Variants in CLSTN2 observed in about 807,000 individuals in gnomAD.
The protein encoded by CLSTN2 is calsyntenin 2, also known as calsyntenin-2.
In CLSTN2, 48 loss-of-function variants were observed where a neutral mutation model predicts 101.2. The observed-to-expected ratio is 0.47, with a 90% CI of 0.38 to 0.60. The LOEUF (loss-of-function observed/expected upper bound fraction) is 0.60. Ranked by LOEUF, CLSTN2 falls within the 20% of genes least tolerant of loss-of-function variation. CLSTN2 has a pLI of 0.00. For synonymous variants in CLSTN2, 481 were observed against 463.6 expected, an observed-to-expected ratio of 1.04 and a Z score of -0.48; for missense variants, 1,160 against 1,238.2, an observed-to-expected ratio of 0.94 and a Z score of 0.95.
chr3:140,086,996 T>G (rs1249696721), intron 1 of CLSTN2, among the ~76,000 whole-genome samples: 1 of 152,216 alleles, frequency 6.6e-6, no homozygotes, highest in African/African-American at 2.4e-5. Flanking sequence ...AATATCTGCC[T>G]GAGATTTCTC....
chr3:140,244,107 T>A (rs953228010), intron 2 of CLSTN2, among the ~76,000 whole-genome samples: 1 of 152,158 alleles, frequency 6.6e-6, no homozygotes, highest in African/African-American at 2.4e-5. Context: ...AGCGCTTGCA[T>A]CTGAATTCAG....
intron 4 of CLSTN2, among the ~76,000 whole-genome samples, chr3:140,418,513 C>CTTTT (rs1051422077): frequency 4.7e-5 from 2 of 42,126 alleles, no homozygotes; most frequent in African/African-American, 4.8e-4. Flanking sequence ...TTCTTTCTTT[C>CTTTT]TTTCTTTTTT....
chr3:139,939,187 T>C (rs1935081186), intron 1 of CLSTN2, among the ~76,000 whole-genome samples: 1 of 152,052 alleles, frequency 6.6e-6, no homozygotes, highest in Non-Finnish European at 1.5e-5. Context: ...ATAACAACAG[T>C]ATGGTGTAAT....
rs556743260 is a variant in CLSTN2 at position 140,484,043 on chromosome 3, T to G, written c.1344+17312T>G. ...GTTATTTTGCTCGTTAGTTGATGCA[T>G]TTTCTTCCTAGCCTTGATGGTCTTT... On this transcript the variant is annotated intron_variant, in intron 8 of 16. Transcript: ENST00000458420. Among the ~76,000 whole-genome samples, 559 of 152,244 alleles carry G rather than the reference T, an allele frequency of 3.7e-3. 1 individual carries two copies. The highest frequency in any genetic ancestry group is 5.7e-3 in the Non-Finnish European group (387 of 68,008).
At chr3:140,013,075 A>T (rs1296141453) in intron 1 of CLSTN2, among the ~76,000 whole-genome samples, 1 of 152,220 alleles carries the variant, frequency 6.6e-6, no homozygotes, top group Admixed American at 6.5e-5. Context: ...CAATGGATGG[A>T]TGAGCCAAGG....
chr3:140,301,915 T>G (rs1051440856), intron 2 of CLSTN2, among the ~76,000 whole-genome samples: 1 of 152,082 alleles, frequency 6.6e-6, no homozygotes, highest in African/African-American at 2.4e-5. Flanking sequence ...TTTTTTTTTT[T>G]GGAAAAGAGT....
chr3:139,982,217 G>A (rs1015157386), intron 1 of CLSTN2, among the ~76,000 whole-genome samples: 17 of 151,918 alleles, frequency 1.1e-4, no homozygotes, highest in African/African-American at 4.1e-4. Context: ...ATATTTTCAG[G>A]TATTATTATT....
chr3:140,532,527 A>G (rs1473187995), intron 9 of CLSTN2, 41 bp downstream of exon 9: 1 of 1,569,102 alleles, frequency 6.4e-7, no homozygotes, highest in Non-Finnish European at 8.7e-7. Context: ...CTGTTTGTGA[A>G]TAGTTCTTGG....
chr3:140,515,471 T>A (rs1934899727), intron 8 of CLSTN2, among the ~76,000 whole-genome samples: 1 of 152,184 alleles, frequency 6.6e-6, no homozygotes, highest in Admixed American at 6.5e-5. Context: ...ATTGTCCATT[T>A]GTGCTCTTTC....
chr3:140,273,041 G>T (rs368926610), intron 2 of CLSTN2, among the ~76,000 whole-genome samples: 9 of 152,210 alleles, frequency 5.9e-5, no homozygotes, highest in African/African-American at 2.2e-4. Context: ...CCCAAGAGGA[G>T]GGAAGCATCT....
chr3:140,088,756 G>A (rs1035669996), intron 1 of CLSTN2, among the ~76,000 whole-genome samples: 10 of 152,044 alleles, frequency 6.6e-5, no homozygotes, highest in African/African-American at 2.2e-4. Context: ...CTCTCCCCTG[G>A]GTTTCTTCCT....
intron 2 of CLSTN2, among the ~76,000 whole-genome samples, chr3:140,344,369 G>A (rs897161771): frequency 2.0e-5 from 3 of 152,186 alleles, no homozygotes; most frequent in African/African-American, 4.8e-5. Flanking sequence ...CGTCATGTCC[G>A]TGAACATGCC....
rs541111314 is a variant in CLSTN2 at position 140,574,605 on chromosome 3, G to A, written c.*8352G>A. Reference sequence around the variant, plus strand: ...TGAGAAGAGCCAAAATGCAGACAGTGTGTATTAATCACAGACAACAGAAAC... The same window carrying A: ...TGAGAAGAGCCAAAATGCAGACAGTATGTATTAATCACAGACAACAGAAAC... On this transcript the variant is annotated 3_prime_UTR_variant, in exon 17 of 17. Coordinates refer to ENST00000458420, the MANE Select transcript of CLSTN2 (RefSeq NM_022131.3). 6.6e-6 allele frequency: 1 copy of A among 152,338 alleles called. No individual in the cohort carries two copies. The highest frequency in any genetic ancestry group is 2.1e-4 in the South Asian group (1 of 4,824). 9.4% of individuals were successfully genotyped at this position (152,338 alleles called of 1,614,324 possible).
chr3:140,310,895 C>A (rs1296257626), intron 2 of CLSTN2, among the ~76,000 whole-genome samples: 1 of 152,154 alleles, frequency 6.6e-6, no homozygotes, highest in Non-Finnish European at 1.5e-5. Flanking sequence ...GTACCTAGTA[C>A]AAACCAGCCT....
chr3:140,353,354 A>G (rs2087632733), intron 2 of CLSTN2, among the ~76,000 whole-genome samples: 1 of 151,924 alleles, frequency 6.6e-6, no homozygotes, highest in South Asian at 2.1e-4. Flanking sequence ...CCAAGTTCCA[A>G]AACTGAAGAA....
At position 139,935,860 on chromosome 3, in the gene CLSTN2, G is replaced by C. The variant is rs1350068219; in HGVS notation, c.109+377G>C. Among the ~76,000 whole-genome samples the C allele has an allele frequency of 2.6e-5, 4 of 152,150 alleles. No homozygotes were observed. Among genetic ancestry groups the C allele is most frequent in the African/African-American group, 9.6e-5 (4 of 41,456 alleles). ...GACAAGCAGGTGTCTGCTCCTGCCT[G>C]GGGGAAGGATCAGCGGCGGTGCTTT... On this transcript the variant is annotated intron_variant, in intron 1 of 16. Transcript: ENST00000458420. This position sits in a 1 kb window ranked among gnomAD's most constrained non-coding sequence, Gnocchi z 5.5.
At chr3:140,544,666 G>A (rs1342230127) in intron 9 of CLSTN2, among the ~76,000 whole-genome samples, 1 of 152,068 alleles carries the variant, frequency 6.6e-6, no homozygotes, top group African/African-American at 2.4e-5. Context: ...ATAATGCCAG[G>A]TGGTGAAGGG....
intron 2 of CLSTN2, among the ~76,000 whole-genome samples, chr3:140,205,410 A>G (rs2010768006): frequency 6.6e-6 from 1 of 152,220 alleles, no homozygotes; most frequent in East Asian, 1.9e-4. Flanking sequence ...AAGCACCTGA[A>G]CATGGGATAA....
At chr3:140,019,248 G>A (rs116001642) in intron 1 of CLSTN2, among the ~76,000 whole-genome samples, 2,679 of 152,314 alleles carry the variant, frequency 0.018, 70 homozygotes, top group African/African-American at 0.06. Context: ...TTTGTGAGGT[G>A]TTGTTTAGAT....
Sources: allele counts gnomAD v4.1 joint callset (sites outside exome capture counted in the v4.1 genomes callset), GRCh38; gene constraint gnomAD v4.1.1; non-coding constraint Gnocchi (gnomAD v3.1); transcripts MANE v1.5; gene names NCBI Gene and HGNC (gene_info 2026-07-23, HGNC 2026-07-21).